Variants in ATXN1 observed in about 807,000 individuals in gnomAD.
ATXN1 encodes ataxin 1, also known as ataxin-1.
ATXN1 carries 8 observed loss-of-function variants against 56.4 expected under a neutral mutation model. The observed-to-expected ratio is 0.14, with a 90% CI of 0.08 to 0.26. The LOEUF is 0.26. Among genes scored for constraint, ATXN1 ranks in the 10% least tolerant of loss-of-function variants. ATXN1 has a pLI of 1.00. For synonymous variants in ATXN1, 514 were observed against 494.6 expected (o/e 1.04, Z -0.52); for missense variants, 987 against 1,106.5 (o/e 0.89, Z 1.53).
At chr6:16,705,543 C>T (rs1205523833) in intron 2 of ATXN1, among the ~76,000 whole-genome samples, 1 of 152,158 alleles carries the variant, frequency 6.6e-6, no homozygotes, top group Non-Finnish European at 1.5e-5. Context: ...TTCACTTCCT[C>T]AAACCAGACA....
intron 6 of ATXN1, chr6:16,485,217 C>T (rs1463639426): frequency 1.3e-5 from 2 of 152,088 alleles, no homozygotes; most frequent in Admixed American, 1.3e-4. Context: ...TTTTGTGACA[C>T]AGTCCAGCAA....
At chr6:16,512,340 A>G (rs1373152405) in intron 5 of ATXN1, among the ~76,000 whole-genome samples, 1 of 152,220 alleles carries the variant, frequency 6.6e-6, no homozygotes, top group Non-Finnish European at 1.5e-5. Context: ...CAGAACCAGG[A>G]AATAGCTGAA....
At chr6:16,497,237 C>T (rs140000371) in intron 5 of ATXN1, among the ~76,000 whole-genome samples, 2 of 151,734 alleles carry the variant, frequency 1.3e-5, no homozygotes, top group Admixed American at 1.3e-4. Context: ...ACAGAAAATG[C>T]TATTTTTAAT....
chr6:16,390,680 T>TACACACACACACACACACACACACA (rs60238072), intron 6 of ATXN1, among the ~76,000 whole-genome samples: 5 of 147,262 alleles, frequency 3.4e-5, no homozygotes, highest in African/African-American at 1.2e-4. Flanking sequence ...AATAAACACA[T>TACACACACACACACACACACACACA]CACACACACA....
At chr6:16,626,661 T>C (rs1010491133) in intron 3 of ATXN1, among the ~76,000 whole-genome samples, 16 of 152,142 alleles carry the variant, frequency 1.1e-4, no homozygotes, top group African/African-American at 3.9e-4. Flanking sequence ...TGGCTGAATT[T>C]TTTCCCCCCA....
intron 3 of ATXN1, among the ~76,000 whole-genome samples, chr6:16,624,077 G>A (rs760121875): frequency 3.3e-5 from 5 of 152,118 alleles, no homozygotes; most frequent in African/African-American, 4.8e-5. Flanking sequence ...TGGGTTGGGC[G>A]TGGTGGCTCG....
At chr6:16,347,368 A>G (rs371104746) in intron 6 of ATXN1, among the ~76,000 whole-genome samples, 34 of 150,644 alleles carry the variant, frequency 2.3e-4, no homozygotes, top group Non-Finnish European at 3.2e-4. Context: ...TCAGCACTCT[A>G]TATCTAGCTC....
intron 6 of ATXN1, among the ~76,000 whole-genome samples, chr6:16,428,411 G>A (rs532322764): frequency 2.0e-5 from 3 of 151,996 alleles, no homozygotes; most frequent in African/African-American, 7.2e-5. Flanking sequence ...GAGCCACCAT[G>A]CTCAGCTGAC....
intron 6 of ATXN1, among the ~76,000 whole-genome samples, chr6:16,434,777 C>T (rs1284501056): frequency 6.6e-6 from 1 of 152,204 alleles, no homozygotes. Flanking sequence ...AAACAGGAAG[C>T]TCCCTGCTCT....
Position 16,501,668 on chromosome 6 carries a change from C to G in ATXN1, c.-298-15559G>C, listed in dbSNP as rs537195970. ...GACATGAGCTCATTCTTTTTTATGG[C>G]TGCATAGTATTCCATGGTGTATATT... is the stretch of plus-strand genomic sequence containing the variant. On this transcript the variant is annotated intron_variant, in intron 5 of 7. Coordinates refer to ENST00000436367, the MANE Select transcript of ATXN1 (RefSeq NM_001128164.2). 2.1e-4 allele frequency among the ~76,000 whole-genome samples: 32 copies of G among 152,248 alleles called. No individual in the cohort carries two copies. In the East Asian group the frequency reaches 3.5e-3, roughly 16 times the overall value.
chr6:16,636,814 C>T (rs1293466180), intron 3 of ATXN1, among the ~76,000 whole-genome samples: 1 of 152,114 alleles, frequency 6.6e-6, no homozygotes, highest in Non-Finnish European at 1.5e-5. Flanking sequence ...AGCTTTTACA[C>T]CTAACGACGG....
At chr6:16,525,726 T>C (rs1761377227) in intron 4 of ATXN1, among the ~76,000 whole-genome samples, 1 of 152,142 alleles carries the variant, frequency 6.6e-6, no homozygotes, top group Non-Finnish European at 1.5e-5. Flanking sequence ...CCATTCTTCA[T>C]GATGTGTTTA....
intron 3 of ATXN1, among the ~76,000 whole-genome samples, chr6:16,608,299 G>C (rs990279224): frequency 2.6e-5 from 4 of 152,182 alleles, no homozygotes; most frequent in Non-Finnish European, 5.9e-5. Context: ...AATCATTGCA[G>C]CTGGACCAGT....
At chr6:16,606,511 T>C (rs1763007469) in intron 3 of ATXN1, among the ~76,000 whole-genome samples, 1 of 133,888 alleles carries the variant, frequency 7.5e-6, no homozygotes, top group Admixed American at 8.0e-5. Flanking sequence ...TTGTGGTTTT[T>C]TTGTTTGTGG....
At chr6:16,588,939 C>G (rs1007894525) in intron 3 of ATXN1, among the ~76,000 whole-genome samples, 1 of 152,130 alleles carries the variant, frequency 6.6e-6, no homozygotes, top group Admixed American at 6.5e-5. Flanking sequence ...ACATGCAAGG[C>G]TCCTTGAGCT....
chr6:16,668,589 G>A (rs1444811671), intron 2 of ATXN1, among the ~76,000 whole-genome samples: 2 of 151,640 alleles, frequency 1.3e-5, no homozygotes, highest in African/African-American at 4.8e-5. Flanking sequence ...ACTTTCTCAG[G>A]GAAGAGAATT....
intron 4 of ATXN1, among the ~76,000 whole-genome samples, chr6:16,558,463 C>T (rs1762056468): frequency 6.6e-6 from 1 of 152,162 alleles, no homozygotes. Context: ...CAGTCTCAAA[C>T]TCCTGGGCTC....
intron 4 of ATXN1, among the ~76,000 whole-genome samples, chr6:16,544,582 C>A (rs1468091564): frequency 6.6e-6 from 1 of 152,098 alleles, no homozygotes; most frequent in Non-Finnish European, 1.5e-5. Flanking sequence ...GTGCTTGCAA[C>A]CTATAGACAG....
intron 6 of ATXN1, among the ~76,000 whole-genome samples, chr6:16,443,899 A>G (rs2282839): frequency 0.12 from 17,580 of 152,070 alleles, 1,364 homozygotes; most frequent in East Asian, 0.33. Flanking sequence ...GGCCGATCAC[A>G]AGGTCAGGAG....
Sources: allele counts gnomAD v4.1 joint callset (sites outside exome capture counted in the v4.1 genomes callset), GRCh38; gene constraint gnomAD v4.1.1; transcripts MANE v1.5; gene names NCBI Gene and HGNC (gene_info 2026-07-23, HGNC 2026-07-21).